The following HS6ST3 variants were observed in gnomAD, a reference collection of about 807,000 sequenced individuals.
The protein encoded by HS6ST3 is heparan-sulfate 6-O-sulfotransferase 3.
A neutral mutation model predicts 36.7 loss-of-function variants in HS6ST3; 12 were observed. That is an observed-to-expected ratio of 0.33 (90% confidence interval 0.21 to 0.53). HS6ST3 has a LOEUF of 0.53. Among genes scored for constraint, HS6ST3 ranks in the 20% least tolerant of loss-of-function variants. The pLI, the probability that HS6ST3 is intolerant of heterozygous loss-of-function variation, is 0.95. For synonymous variants in HS6ST3, 240 were observed against 257.5 expected (o/e 0.93, Z 0.65); for missense variants, 584 against 640.9 (o/e 0.91, Z 0.96).
chr13:96,542,024 T>TTACCTCCTGTGTAAAAAAGCACTAA (rs2056180415), intron 1 of HS6ST3, among the ~76,000 whole-genome samples: 1 of 152,204 alleles, frequency 6.6e-6, no homozygotes, highest in Non-Finnish European at 1.5e-5. Flanking sequence ...CAAAGCACTT[T>TTACCTCCTGTGTAAAAAAGCACTAA]TACCTCCTGT....
intron 1 of HS6ST3, among the ~76,000 whole-genome samples, chr13:96,630,147 G>A (rs1328647832): frequency 6.6e-6 from 1 of 152,078 alleles, no homozygotes; most frequent in Admixed American, 6.6e-5. Context: ...GGGAGCATGT[G>A]AAACATAATT....
intron 1 of HS6ST3, among the ~76,000 whole-genome samples, chr13:96,362,954 C>G (rs1225714589): frequency 1.3e-5 from 2 of 152,078 alleles, no homozygotes; most frequent in African/African-American, 4.8e-5. Context: ...ATAAGACATT[C>G]TTGAAATTAC....
intron 1 of HS6ST3, among the ~76,000 whole-genome samples, chr13:96,537,479 C>A (rs893536324): frequency 6.6e-6 from 1 of 152,140 alleles, no homozygotes; most frequent in African/African-American, 2.4e-5. Context: ...CAATTAATTC[C>A]ATGTTAATCC....
At position 96,253,785 on chromosome 13, in the gene HS6ST3, A is replaced by G. The variant is rs141930592; in HGVS notation, c.707+162216A>G. ...CGTCTGCATCCAGATCAAAATGAAT[A>G]TAGTATTGCTGTTGGTATATGTGTC... On this transcript the variant is annotated intron_variant, in intron 1 of 1. Transcript: ENST00000376705. Among the ~76,000 whole-genome samples the G allele has an allele frequency of 3.3e-5, 5 of 152,326 alleles. No individual in the cohort carries two copies. In the East Asian group the frequency reaches 5.8e-4, roughly 18 times the overall value.
intron 1 of HS6ST3, among the ~76,000 whole-genome samples, chr13:96,641,454 C>T (rs1269676961): frequency 6.6e-6 from 1 of 151,778 alleles, no homozygotes; most frequent in Non-Finnish European, 1.5e-5. Flanking sequence ...ATCATATCAT[C>T]CATGAAGAAA....
intron 1 of HS6ST3, among the ~76,000 whole-genome samples, chr13:96,699,025 G>T (rs1384011924): frequency 2.6e-5 from 4 of 152,188 alleles, no homozygotes; most frequent in African/African-American, 7.2e-5. Flanking sequence ...AATAAATGCT[G>T]CTGGGAAAAC....
chr13:96,612,146 T>C (rs2056459121), intron 1 of HS6ST3, among the ~76,000 whole-genome samples: 1 of 152,132 alleles, frequency 6.6e-6, no homozygotes, highest in African/African-American at 2.4e-5. Flanking sequence ...TATTGGAAGA[T>C]GTCTCCTAGT....
intron 1 of HS6ST3, among the ~76,000 whole-genome samples, chr13:96,260,832 G>A (rs577592148): frequency 8.6e-5 from 13 of 151,912 alleles, no homozygotes; most frequent in African/African-American, 2.9e-4. Context: ...TAAAAATGGG[G>A]TTTTGCCATG....
chr13:96,307,422 A>G (rs1360269511), intron 1 of HS6ST3, among the ~76,000 whole-genome samples: 1 of 152,136 alleles, frequency 6.6e-6, no homozygotes, highest in Non-Finnish European at 1.5e-5. Context: ...TTAATTGTGG[A>G]CATTTTGCAA....
intron 1 of HS6ST3, among the ~76,000 whole-genome samples, chr13:96,096,026 C>A (rs2053789199): frequency 6.6e-6 from 1 of 151,834 alleles, no homozygotes. Context: ...ACCTTCAGAT[C>A]TCTTTTTTTT....
At chr13:96,684,534 T>C (rs1874715402) in intron 1 of HS6ST3, among the ~76,000 whole-genome samples, 1 of 152,022 alleles carries the variant, frequency 6.6e-6, no homozygotes, top group Non-Finnish European at 1.5e-5. Flanking sequence ...TTTCTCTGTA[T>C]GCGCATATTG....
In HS6ST3 at chr13:96,407,526, G is replaced by A. The variant is rs138265026; in HGVS notation, c.707+315957G>A. ...GACACATATTAGGGGCTCAATAGGC[G>A]TTCACCTGGTTAGATAGGTTGTATT... On this transcript the variant is annotated intron_variant, in intron 1 of 1. Coordinates refer to ENST00000376705, the MANE Select transcript of HS6ST3 (RefSeq NM_153456.4). 4.5e-4 allele frequency among the ~76,000 whole-genome samples: 69 copies of A among 152,288 alleles called. No homozygotes were observed. The East Asian group carries it at 9.8e-3, about 22-fold the overall frequency.
intron 1 of HS6ST3, among the ~76,000 whole-genome samples, chr13:96,331,953 G>A (rs138241501): frequency 1.3e-5 from 2 of 152,248 alleles, no homozygotes; most frequent in East Asian, 1.9e-4. Context: ...TCCAGGTGCC[G>A]TCAGTCACCC....
chr13:96,517,935 A>G (rs1348581032), intron 1 of HS6ST3, among the ~76,000 whole-genome samples: 1 of 152,202 alleles, frequency 6.6e-6, no homozygotes, highest in Non-Finnish European at 1.5e-5. Context: ...GCTATTTACT[A>G]TAGCAATGAC....
At chr13:96,387,819 A>G (rs573071671) in intron 1 of HS6ST3, among the ~76,000 whole-genome samples, 7 of 152,102 alleles carry the variant, frequency 4.6e-5, no homozygotes, top group South Asian at 4.2e-4. Context: ...GAAGATTTGC[A>G]TGATGATCTT....
At chr13:96,340,138 C>T (rs1016629781) in intron 1 of HS6ST3, among the ~76,000 whole-genome samples, 1 of 152,174 alleles carries the variant, frequency 6.6e-6, no homozygotes, top group African/African-American at 2.4e-5. Flanking sequence ...AATAGTTTAT[C>T]TTTTAGCCAC....
intron 1 of HS6ST3, among the ~76,000 whole-genome samples, chr13:96,500,106 T>C (rs2055996924): frequency 6.6e-6 from 1 of 152,076 alleles, no homozygotes; most frequent in Non-Finnish European, 1.5e-5. Flanking sequence ...CTCCTTCCTC[T>C]GGCAACCACC....
chr13:96,315,859 A>T (rs2054966246), intron 1 of HS6ST3, among the ~76,000 whole-genome samples: 1 of 152,144 alleles, frequency 6.6e-6, no homozygotes. Flanking sequence ...TTTTTCATGA[A>T]GTCAGTGGGT....
intron 1 of HS6ST3, among the ~76,000 whole-genome samples, chr13:96,499,708 T>C (rs527430120): frequency 6.6e-6 from 1 of 152,050 alleles, no homozygotes; most frequent in Non-Finnish European, 1.5e-5. Context: ...GGCATGAGCG[T>C]GTGTGACCTG....
Sources: allele counts gnomAD v4.1 joint callset (sites outside exome capture counted in the v4.1 genomes callset), GRCh38; gene constraint gnomAD v4.1.1; transcripts MANE v1.5; gene names NCBI Gene and HGNC (gene_info 2026-07-23, HGNC 2026-07-21).